CNTN6: variants seen among roughly 807,000 people sequenced by gnomAD.
The protein encoded by CNTN6 is contactin-6.
Under a neutral mutation model 122.8 loss-of-function variants are expected in CNTN6, and 137 were observed. The observed-to-expected ratio is 1.12, with a 90% confidence interval of 0.97 to 1.29. The LOEUF (loss-of-function observed/expected upper bound fraction) is 1.29, where lower values mean the gene tolerates loss of function less well. CNTN6 is among the 50% of genes most tolerant of loss of function. The probability of loss-of-function intolerance (pLI) is 0.00; values close to 1 mark genes in which losing one functional copy is unlikely to be tolerated. For synonymous variants in CNTN6, 570 were observed against 426.0 expected, an observed-to-expected ratio of 1.34 and a Z score of -4.16; for missense variants, 1,634 against 1,223.4, an observed-to-expected ratio of 1.34 and a Z score of -5.01.
chr3:1,396,662 C>G (rs1695026989), intron 20 of CNTN6, among the ~76,000 whole-genome samples: 1 of 152,156 alleles, frequency 6.6e-6, no homozygotes, highest in East Asian at 1.9e-4. Context: ...CCTTTAGAGG[C>G]AATTTACTTT....
chr3:1,336,168 C>A (rs1226386534), intron 11 of CNTN6, among the ~76,000 whole-genome samples: 1 of 150,752 alleles, frequency 6.6e-6, no homozygotes, highest in African/African-American at 2.5e-5. Flanking sequence ...TTCTTAAAAT[C>A]AAATAAATAA....
chr3:1,164,279 A>C (rs1365079906), intron 2 of CNTN6, among the ~76,000 whole-genome samples: 1 of 152,230 alleles, frequency 6.6e-6, no homozygotes, highest in Non-Finnish European at 1.5e-5. Context: ...TCACATGCCC[A>C]TTCTGGCAGC....
intron 4 of CNTN6, among the ~76,000 whole-genome samples, chr3:1,245,761 A>G (rs2094574509): frequency 6.6e-6 from 1 of 152,126 alleles, no homozygotes; most frequent in African/African-American, 2.4e-5. Context: ...ATAAACAGCA[A>G]ATACAAATAA....
intron 4 of CNTN6, among the ~76,000 whole-genome samples, chr3:1,275,380 G>A (rs1251318124): frequency 6.6e-6 from 1 of 151,974 alleles, no homozygotes; most frequent in Admixed American, 6.6e-5. Context: ...AACTTTTCTT[G>A]GCAAGATCAC....
chr3:1,262,429 T>C (rs1376872571), intron 4 of CNTN6, among the ~76,000 whole-genome samples: 1 of 152,110 alleles, frequency 6.6e-6, no homozygotes, highest in Non-Finnish European at 1.5e-5. Flanking sequence ...AGAGAATAAT[T>C]GGCAGGTGTG....
intron 4 of CNTN6, among the ~76,000 whole-genome samples, chr3:1,253,225 T>C (rs766711609): frequency 7.2e-5 from 11 of 152,154 alleles, no homozygotes; most frequent in Non-Finnish European, 1.2e-4. Flanking sequence ...AGCCCAGCAT[T>C]GTGACACCAT....
Position 1,167,039 on chromosome 3 carries a change from CTTAAAA to C in CNTN6, c.55+18983_55+18988del, listed in dbSNP as rs776144977. Among the ~76,000 whole-genome samples, 35 of 143,150 alleles carry C rather than the reference CTTAAAA, an allele frequency of 2.4e-4. No homozygotes were observed. The East Asian group carries it at 4.7e-3, about 19-fold the overall frequency. 93.9% of individuals were successfully genotyped at this position (143,150 alleles called of 152,430 possible). A position where few individuals can be genotyped will look rare whatever the true frequency, so the allele number is the denominator to read the frequency against. On this transcript the variant is annotated intron_variant, in intron 2 of 22. Coordinates refer to ENST00000446702, the MANE Select transcript of CNTN6 (RefSeq NM_001289080.2). ...CACGTTCTGCACATGTATCCCAGAACTTAAAATTAAAAAAAAAAAAAAGAAACAGTG... is the reference window on the plus strand; with the variant it reads ...CACGTTCTGCACATGTATCCCAGAACTTAAAAAAAAAAAAAAGAAACAGTG...
intron 2 of CNTN6, among the ~76,000 whole-genome samples, chr3:1,213,736 G>A (rs1847436): frequency 0.2 from 30,981 of 151,522 alleles, 3,728 homozygotes; most frequent in East Asian, 0.5. Flanking sequence ...TACTTTTAAC[G>A]TCAAGATTAA....
intron 5 of CNTN6, among the ~76,000 whole-genome samples, chr3:1,281,758 A>G (rs1006969677): frequency 3.3e-5 from 5 of 152,158 alleles, no homozygotes. Flanking sequence ...TTTTACATCA[A>G]ATTTTTGATA....
At chr3:1,136,698 C>G (rs1227899923) in intron 1 of CNTN6, among the ~76,000 whole-genome samples, 1 of 152,024 alleles carries the variant, frequency 6.6e-6, no homozygotes, top group Non-Finnish European at 1.5e-5. Flanking sequence ...TTCAAATGTT[C>G]AGATTTGAGC....
At chr3:1,311,127 G>C (rs1051660267) in intron 7 of CNTN6, among the ~76,000 whole-genome samples, 8 of 148,862 alleles carry the variant, frequency 5.4e-5, no homozygotes, top group Admixed American at 5.4e-4. Context: ...ATATACATAG[G>C]TGTATGTATA....
At chr3:1,256,233 A>C (rs1037957854) in intron 4 of CNTN6, among the ~76,000 whole-genome samples, 1 of 152,166 alleles carries the variant, frequency 6.6e-6, no homozygotes, top group Admixed American at 6.6e-5. Flanking sequence ...TAAGAATTAT[A>C]ATTTTCTAAG....
intron 10 of CNTN6, among the ~76,000 whole-genome samples, chr3:1,328,633 T>C (rs1056273653): frequency 6.6e-6 from 1 of 151,820 alleles, no homozygotes. Context: ...TCGTTGCACA[T>C]GACAAGTTGA....
At chr3:1,103,749 A>G (rs2091074386) in intron 1 of CNTN6, among the ~76,000 whole-genome samples, 1 of 152,186 alleles carries the variant, frequency 6.6e-6, no homozygotes, top group South Asian at 2.1e-4. Context: ...CTTATGAGGC[A>G]AAAGTCATTT....
intron 1 of CNTN6, among the ~76,000 whole-genome samples, chr3:1,129,989 G>A (rs1404845347): frequency 1.3e-5 from 2 of 151,884 alleles, no homozygotes; most frequent in Non-Finnish European, 2.9e-5. Context: ...TTTTAATGTT[G>A]AGTTTAAGAA....
intron 1 of CNTN6, among the ~76,000 whole-genome samples, chr3:1,100,153 A>T (rs2090805204): frequency 6.6e-6 from 1 of 151,388 alleles, no homozygotes; most frequent in Admixed American, 6.6e-5. Context: ...CATCTCCTAG[A>T]TTCTCTTCTT....
intron 5 of CNTN6, among the ~76,000 whole-genome samples, chr3:1,283,389 G>A (rs944604466): frequency 2.0e-5 from 3 of 152,128 alleles, no homozygotes; most frequent in Non-Finnish European, 4.4e-5. Flanking sequence ...GTGAGCTTTT[G>A]TTAAATTTCA....
chr3:1,286,305 G>T (rs551626085), intron 5 of CNTN6, among the ~76,000 whole-genome samples: 1 of 152,086 alleles, frequency 6.6e-6, no homozygotes, highest in Non-Finnish European at 1.5e-5. Flanking sequence ...CCATCAACCG[G>T]CCATCTACAT....
At chr3:1,252,228 C>G (rs2094683566) in intron 4 of CNTN6, among the ~76,000 whole-genome samples, 1 of 152,188 alleles carries the variant, frequency 6.6e-6, no homozygotes, top group Non-Finnish European at 1.5e-5. Flanking sequence ...GAAATTATCT[C>G]TTCCTACATC....
Sources: allele counts gnomAD v4.1 joint callset (sites outside exome capture counted in the v4.1 genomes callset), GRCh38; gene constraint gnomAD v4.1.1; transcripts MANE v1.5; gene names NCBI Gene and HGNC (gene_info 2026-07-23, HGNC 2026-07-21).